The following TENM3 variants were observed in gnomAD, a reference collection of about 807,000 sequenced individuals.
TENM3 encodes teneurin-3.
In TENM3, 63 loss-of-function variants were observed where a neutral mutation model predicts 255.1. The observed-to-expected ratio is 0.25, with a 90% CI of 0.20 to 0.30. The LOEUF (loss-of-function observed/expected upper bound fraction) is 0.30. TENM3 is among the 10% of genes least tolerant of loss of function. The pLI is 1.00. For synonymous variants in TENM3, 1,306 were observed against 1,322.3 expected, an observed-to-expected ratio of 0.99 and a Z score of 0.27; for missense variants, 2,929 against 3,461.1, an observed-to-expected ratio of 0.85 and a Z score of 3.86.
At chr4:182,211,226 G>A (rs2149891366) in intron 1 of TENM3, among the ~76,000 whole-genome samples, 1 of 152,332 alleles carries the variant, frequency 6.6e-6, no homozygotes, top group South Asian at 2.1e-4. Context: ...ACCCACGAGA[G>A]ACGTGGCTCT....
chr4:181,938,861 T>G, the TENM3 span, among the ~76,000 whole-genome samples: 1 of 152,214 alleles, frequency 6.6e-6, no homozygotes, highest in Non-Finnish European at 1.5e-5. Context: ...ATAGGAAGAA[T>G]AATCTATCAA....
chr4:182,349,269 A>G (rs1472348294), intron 3 of TENM3, among the ~76,000 whole-genome samples: 1 of 152,238 alleles, frequency 6.6e-6, no homozygotes, highest in African/African-American at 2.4e-5. Context: ...AAATGAGAGC[A>G]GTTTAAAGAA....
At chr4:181,693,437 A>G in the TENM3 span, among the ~76,000 whole-genome samples, 15 of 152,292 alleles carry the variant, frequency 9.8e-5, no homozygotes, top group Non-Finnish European at 2.1e-4. Context: ...TCAGACACCC[A>G]GTGGAGATGG....
At chr4:182,661,185 A>T (rs1355821806) in intron 6 of TENM3, among the ~76,000 whole-genome samples, 2 of 146,764 alleles carry the variant, frequency 1.4e-5, no homozygotes, top group Non-Finnish European at 3.0e-5. Context: ...ATTGCTTTTA[A>T]ATTTTAATTT....
chr4:181,886,508 A>C, the TENM3 span, among the ~76,000 whole-genome samples: 1 of 152,212 alleles, frequency 6.6e-6, no homozygotes, highest in Non-Finnish European at 1.5e-5. Flanking sequence ...CATTTAAATC[A>C]CATGGATTCT....
chr4:181,553,475 T>G, the TENM3 span, among the ~76,000 whole-genome samples: 1 of 152,034 alleles, frequency 6.6e-6, no homozygotes, highest in African/African-American at 2.4e-5. Context: ...GGAGTCTGGC[T>G]CTGTCGCCCA....
the TENM3 span, among the ~76,000 whole-genome samples, chr4:181,508,025 G>C: frequency 6.6e-6 from 1 of 152,194 alleles, no homozygotes; most frequent in Non-Finnish European, 1.5e-5. Flanking sequence ...CTCCACAAAT[G>C]AAAGGAAAAG....
chr4:182,707,982 A>G (rs960496543), intron 12 of TENM3: 5 of 148,878 alleles, frequency 3.4e-5, no homozygotes, highest in Admixed American at 1.3e-4. Flanking sequence ...CTGGGGGGAA[A>G]AAACACCTTT....
chr4:181,752,771 TG>T, the TENM3 span, among the ~76,000 whole-genome samples: 1 of 151,994 alleles, frequency 6.6e-6, no homozygotes, highest in Non-Finnish European at 1.5e-5. Flanking sequence ...TTTCTATTTT[TG>T]TTTCCGAAAT....
intron 4 of TENM3, among the ~76,000 whole-genome samples, chr4:182,611,202 C>T (rs1748971298): frequency 6.6e-6 from 1 of 151,790 alleles, no homozygotes; most frequent in South Asian, 2.1e-4. Context: ...TTACATTTGA[C>T]AGGAAAAAAA....
chr4:182,547,108 C>A (rs566526706), intron 3 of TENM3, among the ~76,000 whole-genome samples: 55 of 152,286 alleles, frequency 3.6e-4, no homozygotes, highest in African/African-American at 1.3e-3. Flanking sequence ...TAGCTTCTTA[C>A]ATCTGCCTAT....
At chr4:181,870,288 G>A in the TENM3 span, among the ~76,000 whole-genome samples, 3 of 152,148 alleles carry the variant, frequency 2.0e-5, no homozygotes, top group East Asian at 1.9e-4. Flanking sequence ...TATTATGAAC[G>A]TTGTTGTAGA....
the TENM3 span, among the ~76,000 whole-genome samples, chr4:181,640,530 TG>T: frequency 6.6e-6 from 1 of 152,158 alleles, no homozygotes; most frequent in African/African-American, 2.4e-5. Context: ...CTGTCTCAAA[TG>T]ATGTAAAATT....
intron 3 of TENM3, among the ~76,000 whole-genome samples, chr4:182,447,637 AT>A (rs1160080282): frequency 6.6e-6 from 1 of 152,164 alleles, no homozygotes; most frequent in Non-Finnish European, 1.5e-5. Flanking sequence ...TAAAGTATTA[AT>A]TTTTTGGTTT....
the TENM3 span, among the ~76,000 whole-genome samples, chr4:181,841,448 G>C: frequency 2.0e-5 from 3 of 152,030 alleles, no homozygotes; most frequent in African/African-American, 7.2e-5. Flanking sequence ...AGTAATGCCT[G>C]CAATCTCCAT....
intron 3 of TENM3, among the ~76,000 whole-genome samples, chr4:182,538,289 A>G (rs1461526804): frequency 6.6e-6 from 1 of 152,198 alleles, no homozygotes; most frequent in Non-Finnish European, 1.5e-5. Flanking sequence ...GCAAATTCAG[A>G]AAAGGGAGTT....
the TENM3 span, among the ~76,000 whole-genome samples, chr4:181,914,827 A>T: frequency 6.6e-6 from 1 of 152,224 alleles, no homozygotes; most frequent in Admixed American, 6.5e-5. Flanking sequence ...CTGAACCAGG[A>T]GACCGTGGAC....
At chr4:181,950,917 C>T in the TENM3 span, among the ~76,000 whole-genome samples, 3 of 152,048 alleles carry the variant, frequency 2.0e-5, no homozygotes, top group Non-Finnish European at 4.4e-5. Context: ...TAGCATGTGC[C>T]TATGGTCCCA....
At chr4:182,670,088 C>T (rs547812109) in intron 6 of TENM3, among the ~76,000 whole-genome samples, 1 of 152,192 alleles carries the variant, frequency 6.6e-6, no homozygotes, top group Non-Finnish European at 1.5e-5. Flanking sequence ...GTCTGTTTAG[C>T]TAGAAAGCAA....
Sources: allele counts gnomAD v4.1 joint callset (sites outside exome capture counted in the v4.1 genomes callset), GRCh38; gene constraint gnomAD v4.1.1; transcripts MANE v1.5; gene names NCBI Gene and HGNC (gene_info 2026-07-23, HGNC 2026-07-21).